The following NRXN3 variants were observed in gnomAD, a reference collection of about 807,000 sequenced individuals.
NRXN3 encodes neurexin III.
NRXN3 carries 32 observed loss-of-function variants against 137.6 expected under a neutral mutation model. The ratio of observed to expected loss-of-function variants is 0.23; its 90% CI spans 0.18 to 0.31. The LOEUF is 0.31. Ranked by LOEUF, NRXN3 falls within the 10% of genes least tolerant of loss-of-function variation. NRXN3 has a pLI of 1.00. For synonymous variants in NRXN3, 798 were observed against 784.5 expected (o/e 1.02, Z -0.29); for missense variants, 1,574 against 2,062.5 (o/e 0.76, Z 4.59).
At chr14:79,288,925 A>C (rs1444432710) in intron 15 of NRXN3, among the ~76,000 whole-genome samples, 1 of 152,248 alleles carries the variant, frequency 6.6e-6, no homozygotes, top group Non-Finnish European at 1.5e-5. Flanking sequence ...GAATCAATGA[A>C]TAAATGATTG....
intron 3 of NRXN3, among the ~76,000 whole-genome samples, chr14:78,293,451 T>G (rs2076004651): frequency 6.6e-6 from 1 of 152,132 alleles, no homozygotes; most frequent in Admixed American, 6.5e-5. Flanking sequence ...CTTGAATCCA[T>G]CCCCCTACTC....
At chr14:78,175,082 G>T (rs187116245) in intron 1 of NRXN3, among the ~76,000 whole-genome samples, 32 of 152,296 alleles carry the variant, frequency 2.1e-4, no homozygotes, top group African/African-American at 7.7e-4. Context: ...TTTTCTCCTG[G>T]GCTCTGGCTG....
Position 79,462,861 on chromosome 14 carries a change from A to ATGTATATGTATATGTACATACACATATGT in NRXN3, c.3263-4360_3263-4359insTGTATATGTATATGTACATACACATATGT, listed in dbSNP as rs1600667779. On this transcript the variant is annotated intron_variant, in intron 15 of 20. Coordinates refer to ENST00000335750, the MANE Select transcript of NRXN3 (RefSeq NM_001330195.2). ...TATATGTATATGTGCATACACAATG[A>ATGTATATGTATATGTACATACACATATGT]ATGTATATGTATATGTACATACACA... Among the ~76,000 whole-genome samples the ATGTATATGTATATGTACATACACATATGT allele has an allele frequency of 3.0e-3, 417 of 140,822 alleles. 18 individuals are homozygous for ATGTATATGTATATGTACATACACATATGT. Among genetic ancestry groups the ATGTATATGTATATGTACATACACATATGT allele is most frequent in the African/African-American group, 0.012 (396 of 34,142 alleles). The allele number at this position is 140,822 out of a possible 152,430, so 92.4% of individuals were successfully genotyped here. A position where few individuals can be genotyped will look rare whatever the true frequency, so the allele number is the denominator to read the frequency against.
intron 16 of NRXN3, among the ~76,000 whole-genome samples, chr14:79,627,467 C>T (rs2098295217): frequency 6.6e-6 from 1 of 152,150 alleles, no homozygotes; most frequent in Non-Finnish European, 1.5e-5. Flanking sequence ...AAAAGAATAA[C>T]AAGAATGAAT....
At chr14:79,452,012 C>A (rs918459094) in intron 15 of NRXN3, among the ~76,000 whole-genome samples, 7 of 151,982 alleles carry the variant, frequency 4.6e-5, no homozygotes, top group African/African-American at 1.7e-4. Context: ...ACCTATGTGG[C>A]CCAATGTGCA....
At chr14:78,544,088 C>T (rs374105008) in intron 4 of NRXN3, among the ~76,000 whole-genome samples, 2 of 152,158 alleles carry the variant, frequency 1.3e-5, no homozygotes, top group Non-Finnish European at 2.9e-5. Flanking sequence ...ACTCAGATGC[C>T]CTGCAGGTTC....
intron 4 of NRXN3, among the ~76,000 whole-genome samples, chr14:78,397,346 CCTT>C (rs777253816): frequency 1.4e-5 from 2 of 144,596 alleles, no homozygotes; most frequent in Non-Finnish European, 3.0e-5. Flanking sequence ...GCTCCATTCA[CCTT>C]CTTCTCTTTT....
intron 15 of NRXN3, among the ~76,000 whole-genome samples, chr14:79,422,456 A>G (rs2095592285): frequency 6.6e-6 from 1 of 152,162 alleles, no homozygotes; most frequent in Non-Finnish European, 1.5e-5. Context: ...ATTTGCTTTT[A>G]TATTCAACTG....
At chr14:78,445,280 G>T (rs2094387214) in intron 4 of NRXN3, among the ~76,000 whole-genome samples, 1 of 152,160 alleles carries the variant, frequency 6.6e-6, no homozygotes, top group South Asian at 2.1e-4. Context: ...CCTAGTTCTT[G>T]ATCTACTAGC....
chr14:78,446,850 A>C (rs1174187603), intron 4 of NRXN3, among the ~76,000 whole-genome samples: 1 of 152,090 alleles, frequency 6.6e-6, no homozygotes, highest in Non-Finnish European at 1.5e-5. Flanking sequence ...AGTGATTTTT[A>C]TTGCCATCAC....
intron 15 of NRXN3, among the ~76,000 whole-genome samples, chr14:79,378,891 A>C (rs66538779): frequency 0.028 from 4,038 of 146,338 alleles, 185 homozygotes; most frequent in African/African-American, 0.094. Flanking sequence ...AAAAAAAAAA[A>C]CCCTGAAGAG....
At chr14:79,297,374 C>T (rs2084358817) in intron 15 of NRXN3, among the ~76,000 whole-genome samples, 1 of 152,064 alleles carries the variant, frequency 6.6e-6, no homozygotes, top group South Asian at 2.1e-4. Context: ...AGGTATGTCC[C>T]ATGCAATATT....
At chr14:79,501,216 TG>T (rs2096823280) in intron 16 of NRXN3, among the ~76,000 whole-genome samples, 1 of 152,180 alleles carries the variant, frequency 6.6e-6, no homozygotes, top group Admixed American at 6.5e-5. Context: ...GGTTAATGCC[TG>T]GGTCTCTTTC....
intron 15 of NRXN3, among the ~76,000 whole-genome samples, chr14:79,370,784 C>T (rs2094079639): frequency 6.6e-6 from 1 of 152,034 alleles, no homozygotes; most frequent in African/African-American, 2.4e-5. Flanking sequence ...AAAACATTTC[C>T]CACAAGGTGA....
chr14:78,846,441 ATC>A (rs1407506189), intron 10 of NRXN3, among the ~76,000 whole-genome samples: 1 of 152,126 alleles, frequency 6.6e-6, no homozygotes, highest in Non-Finnish European at 1.5e-5. Flanking sequence ...GTTCTTTACA[ATC>A]TCTGCTGCTG....
At chr14:79,209,343 A>G (rs1006361767) in intron 15 of NRXN3, among the ~76,000 whole-genome samples, 10 of 152,066 alleles carry the variant, frequency 6.6e-5, no homozygotes, top group African/African-American at 2.2e-4. Flanking sequence ...CCAATCACCT[A>G]TTTCCTTAGA....
chr14:79,609,056 A>C (rs148634590), intron 16 of NRXN3, among the ~76,000 whole-genome samples: 88 of 152,302 alleles, frequency 5.8e-4, no homozygotes, highest in African/African-American at 2.1e-3. Flanking sequence ...AAATCCGAAG[A>C]CTTGAATTCT....
chr14:79,473,041 A>T (rs576260222), intron 16 of NRXN3, among the ~76,000 whole-genome samples: 1 of 152,302 alleles, frequency 6.6e-6, no homozygotes, highest in Admixed American at 6.5e-5. Context: ...TTTCAGGAAC[A>T]GTGAAAATTT....
At chr14:78,678,584 G>A (rs2098036530) in intron 6 of NRXN3, among the ~76,000 whole-genome samples, 1 of 152,120 alleles carries the variant, frequency 6.6e-6, no homozygotes, top group Non-Finnish European at 1.5e-5. Flanking sequence ...CCAAAGTGAT[G>A]TACAAATTCA....
Sources: allele counts gnomAD v4.1 joint callset (sites outside exome capture counted in the v4.1 genomes callset), GRCh38; gene constraint gnomAD v4.1.1; transcripts MANE v1.5; gene names NCBI Gene and HGNC (gene_info 2026-07-23, HGNC 2026-07-21).